COL5A2: variants seen among roughly 807,000 people sequenced by gnomAD.
COL5A2 encodes collagen type V alpha 2 chain.
COL5A2 carries 23 observed loss-of-function variants against 208.2 expected under a neutral mutation model. That is an observed-to-expected ratio of 0.11 (90% CI 0.08 to 0.16). COL5A2 has a LOEUF of 0.16. Among genes scored for constraint, COL5A2 ranks in the 10% least tolerant of loss-of-function variants. The pLI is 1.00. For missense variants in COL5A2, 1,590 were observed against 1,956.4 expected (o/e 0.81, Z 3.53); for synonymous variants, 625 against 628.5 (o/e 0.99, Z 0.08).
chr2:189,175,709 C>T (rs1965422), intron 1 of COL5A2, among the ~76,000 whole-genome samples: 87,851 of 151,678 alleles, frequency 0.58, 26,772 homozygotes, highest in East Asian at 0.72. Flanking sequence ...TGTGCCACCA[C>T]GCCTACCTAA....
At chr2:189,410,377 C>T in the COL5A2 span, among the ~76,000 whole-genome samples, 1 of 152,002 alleles carries the variant, frequency 6.6e-6, no homozygotes, top group South Asian at 2.1e-4. Context: ...CAAGACCAGC[C>T]TGACCAAGAC....
At chr2:189,259,122 A>G in the COL5A2 span, among the ~76,000 whole-genome samples, 1 of 152,196 alleles carries the variant, frequency 6.6e-6, no homozygotes, top group Non-Finnish European at 1.5e-5. Flanking sequence ...GTCAATCGTG[A>G]CTTTCAGTAC....
the COL5A2 span, among the ~76,000 whole-genome samples, chr2:189,394,404 T>C: frequency 6.6e-6 from 1 of 152,168 alleles, no homozygotes; most frequent in African/African-American, 2.4e-5. Context: ...TATTTGGATA[T>C]GGGGACCTTT....
intron 10 of COL5A2, 138 bp from the exon 11 acceptor site, chr2:189,085,351 A>G: frequency 1.2e-6 from 1 of 856,696 alleles, no homozygotes; most frequent in South Asian, 1.6e-5. Context: ...TTGTTGAGAC[A>G]GAGAAAATAG....
intron 40 of COL5A2, 127 bp downstream of exon 40, chr2:189,052,622 A>T: frequency 1.0e-6 from 1 of 973,634 alleles, no homozygotes; most frequent in Non-Finnish European, 1.6e-6. Flanking sequence ...TTTGCACTAT[A>T]GTACAGTTGA....
At chr2:189,124,953 T>G (rs1430890294) in intron 1 of COL5A2, among the ~76,000 whole-genome samples, 1 of 152,198 alleles carries the variant, frequency 6.6e-6, no homozygotes, top group Non-Finnish European at 1.5e-5. Flanking sequence ...AATAAAAAAT[T>G]CTAAGTATGA....
intron 1 of COL5A2, among the ~76,000 whole-genome samples, chr2:189,200,790 C>G (rs1470001087): frequency 6.6e-6 from 1 of 151,218 alleles, no homozygotes; most frequent in African/African-American, 2.4e-5. Flanking sequence ...AGAAACATTG[C>G]AAGACAGAAG....
At chr2:189,052,831 T>C (rs372788781) in intron 39 of COL5A2, 29 bp from the exon 40 acceptor site, 65 of 1,613,474 alleles carry the variant, frequency 4.0e-5, no homozygotes, top group Non-Finnish European at 3.3e-5. Flanking sequence ...AAGAGCACTA[T>C]AGTGAAGCAA....
chr2:189,129,526 T>G (rs758443390), intron 1 of COL5A2, among the ~76,000 whole-genome samples: 2 of 152,070 alleles, frequency 1.3e-5, no homozygotes, highest in Non-Finnish European at 2.9e-5. Flanking sequence ...TCAAATTTCC[T>G]TTTTTCTCAT....
chr2:189,339,045 T>C, the COL5A2 span, among the ~76,000 whole-genome samples: 3 of 152,300 alleles, frequency 2.0e-5, no homozygotes, highest in African/African-American at 7.2e-5. Context: ...TTAGTGTGAC[T>C]TACACAGCAT....
chr2:189,086,074 T>C (rs542792534), intron 9 of COL5A2, among the ~76,000 whole-genome samples: 66 of 152,298 alleles, frequency 4.3e-4, no homozygotes, highest in African/African-American at 1.5e-3. Flanking sequence ...CTCATCAACA[T>C]CATCATCATC....
chr2:189,366,750 C>T, the COL5A2 span, among the ~76,000 whole-genome samples: 1 of 152,190 alleles, frequency 6.6e-6, no homozygotes, highest in Non-Finnish European at 1.5e-5. Context: ...GGGCCTCTTC[C>T]TTTTGCTGTT....
In COL5A2 at chr2:189,057,354, C is replaced by G; in HGVS notation, c.2303G>C (p.Gly768Ala). ...PGLQGMPGER[G>A]IAGTPGPKGD... ...CTTGGGGCCAGGAGTTCCTGCAATT[C>G]CTCTTTCTCCCGGCATACCTTGAAG... Residue 768 changes from glycine (G) to alanine (A), a missense_variant, in exon 34 of 54, where the codon GGA becomes GCA. Transcript: ENST00000374866. 6.2e-7 allele frequency: 1 copy of G among 1,605,886 alleles called. No homozygotes were observed. The highest frequency in any genetic ancestry group is 1.1e-5 in the South Asian group (1 of 90,822).
the COL5A2 span, among the ~76,000 whole-genome samples, chr2:189,236,327 T>C: frequency 6.6e-6 from 1 of 151,788 alleles, no homozygotes; most frequent in East Asian, 1.9e-4. Context: ...TTACAAACAA[T>C]GTTGCTATGA....
the COL5A2 span, among the ~76,000 whole-genome samples, chr2:189,295,058 C>T: frequency 2.0e-5 from 3 of 152,144 alleles, no homozygotes; most frequent in East Asian, 5.8e-4. Context: ...ATCCTCTTGC[C>T]TCCACCTCCC....
chr2:189,143,436 T>C (rs1221961357), intron 1 of COL5A2, among the ~76,000 whole-genome samples: 1 of 152,198 alleles, frequency 6.6e-6, no homozygotes, highest in African/African-American at 2.4e-5. Flanking sequence ...AGGCCTACTC[T>C]AACCCTGTAA....
the COL5A2 span, among the ~76,000 whole-genome samples, chr2:189,347,641 C>T: frequency 6.6e-5 from 10 of 152,188 alleles, no homozygotes; most frequent in East Asian, 1.9e-3. Context: ...ACATCTGCTG[C>T]CATGGACTTA....
chr2:189,096,613 C>T (rs1277130785), intron 6 of COL5A2, among the ~76,000 whole-genome samples: 1 of 138,572 alleles, frequency 7.2e-6, no homozygotes, highest in Non-Finnish European at 1.5e-5. Flanking sequence ...CAGAGCGAGA[C>T]TCCGTCTCAA....
the COL5A2 span, among the ~76,000 whole-genome samples, chr2:189,232,879 CTATGAGAAATAAATTTCTTATGCT>C: frequency 6.6e-6 from 1 of 151,646 alleles, no homozygotes; most frequent in Admixed American, 6.6e-5. Flanking sequence ...GCCTTGAGAA[CTATGAGAAATAAATTTCTTATGCT>C]TATGAGAAAT....
Sources: allele counts gnomAD v4.1 joint callset (sites outside exome capture counted in the v4.1 genomes callset), GRCh38; gene constraint gnomAD v4.1.1; transcripts MANE v1.5; gene names NCBI Gene and HGNC (gene_info 2026-07-23, HGNC 2026-07-21).